MBNL3: variants seen among roughly 807,000 people sequenced by gnomAD.
MBNL3 encodes muscleblind-like protein 3.
In MBNL3, 6 loss-of-function variants were observed where a neutral mutation model predicts 24.5. The ratio of observed to expected loss-of-function variants is 0.25; its 90% CI spans 0.13 to 0.48. The LOEUF (loss-of-function observed/expected upper bound fraction) is 0.48, where lower values mean the gene tolerates loss of function less well. MBNL3 is among the 20% of genes least tolerant of loss of function. The pLI, the probability that MBNL3 is intolerant of heterozygous loss-of-function variation, is 0.99. For synonymous variants in MBNL3, 100 were observed against 101.7 expected (o/e 0.98, Z 0.10); for missense variants, 230 against 293.5 (o/e 0.78, Z 1.58).
At chrX:132,394,255 T>C (rs954958713) in intron 3 of MBNL3, among the ~76,000 whole-genome samples, 4 of 111,544 alleles carry the variant, frequency 3.6e-5, no homozygotes, top group African/African-American at 1.3e-4. Flanking sequence ...TATGATGTAA[T>C]AGACTACAGG....
At chrX:132,389,852 C>T (rs770553490) in intron 5 of MBNL3, among the ~76,000 whole-genome samples, 6 of 111,017 alleles carry the variant, frequency 5.4e-5, no homozygotes, top group Non-Finnish European at 9.4e-5. Flanking sequence ...TATTACTAAG[C>T]AGCACTAACT....
chrX:132,383,913 A>C (rs756611420), intron 7 of MBNL3, among the ~76,000 whole-genome samples: 1 of 111,361 alleles, frequency 9.0e-6, no homozygotes, highest in Non-Finnish European at 1.9e-5. Flanking sequence ...GAACAGAGCT[A>C]TTTTCTCCTG....
At chrX:132,438,791 C>T (rs1470025576) in intron 2 of MBNL3, among the ~76,000 whole-genome samples, 1 of 104,888 alleles carries the variant, frequency 9.5e-6, no homozygotes, top group Non-Finnish European at 1.9e-5. Context: ...ATAGGACTTT[C>T]CTTACAAAAT....
chrX:132,487,270 G>A (rs1380190178), intron 1 of MBNL3, among the ~76,000 whole-genome samples: 1 of 111,156 alleles, frequency 9.0e-6, no homozygotes, highest in Non-Finnish European at 1.9e-5. Context: ...AAAAATGGGA[G>A]AAGTTGCTTT....
chrX:132,371,039 T>C lies in MBNL3; in HGVS notation c.*8627A>G, dbSNP rs985190743. 9.0e-6 allele frequency: 1 copy of C among 111,699 alleles called. No homozygotes were observed. The highest frequency in any genetic ancestry group is 3.3e-5 in the African/African-American group (1 of 30,710). The allele number at this position is 111,699 out of a possible 1,213,427, so 9.2% of individuals were successfully genotyped here. A position where few individuals can be genotyped will look rare whatever the true frequency, so the allele number is the denominator to read the frequency against. ...AGGCCTAAGACCTCTTGTAAATGTCTATATACTGAACTGTTTTTAGTGCTG... is the reference window on the plus strand; with the variant it reads ...AGGCCTAAGACCTCTTGTAAATGTCCATATACTGAACTGTTTTTAGTGCTG... On this transcript the variant is annotated 3_prime_UTR_variant, in exon 9 of 9. Transcript: ENST00000370853.
intron 5 of MBNL3, among the ~76,000 whole-genome samples, chrX:132,389,154 T>C (rs1427404156): frequency 8.9e-6 from 1 of 112,186 alleles, no homozygotes; most frequent in Non-Finnish European, 1.9e-5. Flanking sequence ...TCAAAAGCAT[T>C]TAAGACAAAA....
intron 2 of MBNL3, among the ~76,000 whole-genome samples, chrX:132,435,131 A>G (rs746888806): frequency 2.7e-5 from 3 of 111,524 alleles, no homozygotes; most frequent in Non-Finnish European, 5.7e-5. Context: ...AAGTAATTGC[A>G]GTTTTTGCCA....
rs745841756 is a variant in MBNL3 at position 132,376,642 on chromosome X, A to G, written c.*3024T>C. 1.3e-4 allele frequency: 15 copies of G among 111,733 alleles called. No individual in the cohort carries two copies. The highest frequency in any genetic ancestry group is 2.1e-4 in the Non-Finnish European group (11 of 52,979). The allele number at this position is 111,733 out of a possible 1,213,427, so 9.2% of individuals were successfully genotyped here. On this transcript the variant is annotated 3_prime_UTR_variant, in exon 9 of 9. Transcript: ENST00000370853. ...GATTAGAATTTTATATATACAATTC[A>G]TCCAGTAAATTTTTGTTTAGAGTCA...
At chrX:132,456,189 C>A (rs757009374) in intron 1 of MBNL3, among the ~76,000 whole-genome samples, 1 of 112,099 alleles carries the variant, frequency 8.9e-6, no homozygotes, top group Non-Finnish European at 1.9e-5. Flanking sequence ...CCTGTGTTTA[C>A]CTCTGTGAGC....
At chrX:132,483,435 C>G (rs1013632330) in intron 1 of MBNL3, among the ~76,000 whole-genome samples, 23 of 112,142 alleles carry the variant, frequency 2.1e-4, no homozygotes, top group African/African-American at 6.8e-4. Context: ...ATCCCATTTT[C>G]CCCATTGGTA....
In MBNL3 at chrX:132,376,337, T is replaced by G. The variant is rs1272982841; in HGVS notation, c.*3329A>C. On this transcript the variant is annotated 3_prime_UTR_variant, in exon 9 of 9. Transcript: ENST00000370853. The stretch of plus-strand genomic sequence containing the variant: ...AAATACTGTATTTAAATAGCAATTT[T>G]ATGAATCCATTTATTTTAATTTAAT... 1 of 112,126 alleles carries G rather than the reference T, an allele frequency of 8.9e-6. No individual in the cohort carries two copies. Among genetic ancestry groups the G allele is most frequent in the Non-Finnish European group, 1.9e-5 (1 of 53,079 alleles). 9.2% of individuals were successfully genotyped at this position (112,126 alleles called of 1,213,427 possible).
In MBNL3 at chrX:132,373,055, A is replaced by C. The variant is rs1470876775; in HGVS notation, c.*6611T>G. Reference sequence around the variant, plus strand: ...TTTTTTGGGGGGGGGCCTCAGTTACATCCATTTGTTTTACTTAATTCCCCA... The same window carrying C: ...TTTTTTGGGGGGGGGCCTCAGTTACCTCCATTTGTTTTACTTAATTCCCCA... On this transcript the variant is annotated 3_prime_UTR_variant, in exon 9 of 9. Coordinates refer to ENST00000370853, the MANE Select transcript of MBNL3 (RefSeq NM_001386889.1). 1 of 110,127 alleles carries C rather than the reference A, an allele frequency of 9.1e-6. No individual in the cohort carries two copies. Among genetic ancestry groups the C allele is most frequent in the African/African-American group, 3.3e-5 (1 of 30,277 alleles). The allele number at this position is 110,127 out of a possible 1,213,427, so 9.1% of individuals were successfully genotyped here. A position where few individuals can be genotyped will look rare whatever the true frequency, so the allele number is the denominator to read the frequency against.
At chrX:132,385,889 CAAAA>C (rs58477339) in intron 6 of MBNL3, among the ~76,000 whole-genome samples, 1 of 90,735 alleles carries the variant, frequency 1.1e-5, no homozygotes, top group African/African-American at 4.0e-5. Flanking sequence ...ACCATTGTGT[CAAAA>C]AAAAAAAAAA....
At chrX:132,442,081 CAGGGGATGGGAAG>C (rs1200869177) in intron 1 of MBNL3, among the ~76,000 whole-genome samples, 2 of 111,069 alleles carry the variant, frequency 1.8e-5, no homozygotes, top group Non-Finnish European at 3.8e-5. Context: ...TAGTGGTTGC[CAGGGGATGGGAAG>C]AGGGGATAAG....
intron 2 of MBNL3, among the ~76,000 whole-genome samples, chrX:132,424,633 A>C (rs141517864): frequency 9.0e-6 from 1 of 111,264 alleles, no homozygotes; most frequent in Non-Finnish European, 1.9e-5. Context: ...TGAGTATGTT[A>C]CTCTATTCAT....
chrX:132,489,579 C>T (rs1312901231), upstream of MBNL3, among the ~76,000 whole-genome samples: 1 of 112,124 alleles, frequency 8.9e-6, no homozygotes, highest in East Asian at 2.8e-4. Flanking sequence ...CCGCCGACCC[C>T]AGGCAGCCCG....
chrX:132,406,013 C>G (rs1212249231), intron 3 of MBNL3, among the ~76,000 whole-genome samples: 1 of 111,007 alleles, frequency 9.0e-6, no homozygotes, highest in Non-Finnish European at 1.9e-5. Flanking sequence ...AATGCCCCTG[C>G]TCCTTTATCC....
rs866937195 is a variant in MBNL3, at chrX:132,371,001, C to T, written c.*8665G>A. The T allele has an allele frequency of 9.0e-6, 1 of 111,663 alleles. No individual in the cohort carries two copies. The allele number at this position is 111,663 out of a possible 1,213,427, so 9.2% of individuals were successfully genotyped here. On this transcript the variant is annotated 3_prime_UTR_variant, in exon 9 of 9. Transcript: ENST00000370853. The stretch of plus-strand genomic sequence containing the variant: ...GCAGCCTCAAAGAGAAAGACATTAA[C>T]TGAATTCTGAAGAGGCCTAAGACCT...
rs1319088341 is a variant in MBNL3 at position 132,371,496 on chromosome X, G to A, written c.*8170C>T. On this transcript the variant is annotated 3_prime_UTR_variant, in exon 9 of 9. Transcript: ENST00000370853. ...TGAAGATAACCAATTTTAAGTGAGA[G>A]AAAACATTTTAATGGAAAAATTCAT... 8.9e-6 allele frequency: 1 copy of A among 112,071 alleles called. No individual in the cohort carries two copies. The highest frequency in any genetic ancestry group is 3.2e-5 in the African/African-American group (1 of 30,902). The allele number at this position is 112,071 out of a possible 1,213,427, so 9.2% of individuals were successfully genotyped here. A position where few individuals can be genotyped will look rare whatever the true frequency, so the allele number is the denominator to read the frequency against.
Sources: allele counts gnomAD v4.1 joint callset (sites outside exome capture counted in the v4.1 genomes callset), GRCh38; gene constraint gnomAD v4.1.1; transcripts MANE v1.5; gene names NCBI Gene and HGNC (gene_info 2026-07-23, HGNC 2026-07-21).